APC: variants seen among roughly 807,000 people sequenced by gnomAD.
APC encodes the protein adenomatous polyposis coli protein.
Under a neutral mutation model 247.0 loss-of-function variants are expected in APC, and 72 were observed. That is an observed-to-expected ratio of 0.29 (90% CI 0.24 to 0.35). APC has a LOEUF of 0.35. APC is among the 10% of genes least tolerant of loss of function. APC has a pLI of 1.00. For synonymous variants in APC, 1,254 were observed against 1,162.5 expected (o/e 1.08, Z -1.60); for missense variants, 3,400 against 3,360.7 (o/e 1.01, Z -0.29).
intron 2 of APC, among the ~76,000 whole-genome samples, chr5:112,761,497 A>T (rs957912678): frequency 6.6e-6 from 1 of 152,232 alleles, no homozygotes; most frequent in Non-Finnish European, 1.5e-5. Context: ...TTAACATTGG[A>T]TGGGCTTAAC....
chr5:112,717,439 C>T (rs1006203156), intron 1 of APC, among the ~76,000 whole-genome samples: 1 of 152,050 alleles, frequency 6.6e-6, no homozygotes, highest in Non-Finnish European at 1.5e-5. Context: ...TATGATCTTG[C>T]ACTTAAGATT....
At chr5:112,748,077 C>G (rs1753885179) in intron 1 of APC, among the ~76,000 whole-genome samples, 1 of 152,196 alleles carries the variant, frequency 6.6e-6, no homozygotes, top group African/African-American at 2.4e-5. Context: ...TATTTATTAT[C>G]TGGCCCTTAC....
At chr5:112,833,862 G>C (rs904376481) in intron 14 of APC, among the ~76,000 whole-genome samples, 2 of 152,024 alleles carry the variant, frequency 1.3e-5, no homozygotes, top group Non-Finnish European at 2.9e-5. Flanking sequence ...ACAGAATATT[G>C]TATATACTAC....
At chr5:112,754,401 A>G (rs934625495) in intron 1 of APC, among the ~76,000 whole-genome samples, 2 of 152,198 alleles carry the variant, frequency 1.3e-5, no homozygotes, top group Non-Finnish European at 2.9e-5. Context: ...CCTTTTATCA[A>G]ATAAAAAGTG....
intron 14 of APC, 73 bp from the exon 15 acceptor site, chr5:112,834,878 A>G: frequency 7.7e-7 from 1 of 1,295,772 alleles, no homozygotes; most frequent in Non-Finnish European, 1.1e-6. Flanking sequence ...TTTATTCAAT[A>G]TCAGTAACAT....
In APC at chr5:112,838,578, G is replaced by T. The variant is rs1298840660; in HGVS notation, c.2984G>T (p.Cys995Phe). 1 of 1,614,132 alleles carries T rather than the reference G, an allele frequency of 6.2e-7. No homozygotes were observed. Among genetic ancestry groups the T allele is most frequent in the South Asian group, 1.1e-5 (1 of 91,088 alleles). The change falls in exon 16 of 16, where the codon TGC becomes TTC. Residue 995 changes from cysteine to phenylalanine, a missense_variant. Around this residue, in one of 9 missense-constraint regions of APC, gnomAD observed 715 missense variants for 656.6 expected, o/e 1.09. Transcript: ENST00000257430. The stretch of plus-strand genomic sequence containing the variant: ...TCTGAAGATGATGAAAGTAAGTTTT[G>T]CAGTTATGGTCAATACCCAGCCGAC... ...SYSEDDESKF[C>F]SYGQYPADLA... is the part of the protein sequence containing the mutation.
At chr5:112,786,219 A>C (rs1052534260) in intron 6 of APC, among the ~76,000 whole-genome samples, 1 of 152,096 alleles carries the variant, frequency 6.6e-6, no homozygotes, top group Non-Finnish European at 1.5e-5. Flanking sequence ...CCTCCCACAT[A>C]GTTGGGACTT....
intron 4 of APC, among the ~76,000 whole-genome samples, chr5:112,769,440 A>G (rs1426211024): frequency 6.6e-6 from 1 of 152,204 alleles, no homozygotes; most frequent in Non-Finnish European, 1.5e-5. Flanking sequence ...CAGCTAGTGT[A>G]TTAATTCTTC....
intron 13 of APC, 27 bp downstream of exon 13, chr5:112,828,033 T>A (rs762648424): frequency 1.3e-6 from 2 of 1,585,332 alleles, no homozygotes; most frequent in Non-Finnish European, 1.7e-6. Context: ...CACCTGTTTT[T>A]CTTTTTTCTC....
rs376526724 is a variant in APC at position 112,837,844 on chromosome 5, A to G, written c.2250A>G (p.Pro750=). 1 of 1,614,076 alleles carries G rather than the reference A, an allele frequency of 6.2e-7. No homozygotes were observed. The highest frequency in any genetic ancestry group is 8.5e-7 in the Non-Finnish European group (1 of 1,180,026). The stretch of plus-strand genomic sequence containing the variant: ...TTATGTCTCCTGGCTCAAGCTTGCC[A>G]TCTCTTCATGTTAGGAAACAAAAAG... The part of the protein sequence containing the change: ...ANIMSPGSSL[P]SLHVRKQKAL... The change falls in exon 16 of 16, where the codon CCA becomes CCG. Residue 750 remains proline (P), a synonymous_variant. Coordinates refer to ENST00000257430, the MANE Select transcript of APC (RefSeq NM_000038.6).
chr5:112,809,254 A>T (rs1239276362), intron 8 of APC, among the ~76,000 whole-genome samples: 1 of 151,774 alleles, frequency 6.6e-6, no homozygotes, highest in Non-Finnish European at 1.5e-5. Context: ...GCTACTTGGG[A>T]GGTTGAGGTG....
rs1766926555 is a variant in APC at position 112,845,708 on chromosome 5, T to TC, written c.*1584dup. The TC allele has an allele frequency of 8.6e-6, 2 of 232,152 alleles. No homozygotes were observed. The highest frequency in any genetic ancestry group is 3.6e-4 in the South Asian group (2 of 5,512). The allele number at this position is 232,152 out of a possible 1,614,324, so 14.4% of individuals were successfully genotyped here. A position where few individuals can be genotyped will look rare whatever the true frequency, so the allele number is the denominator to read the frequency against. Reference sequence around the variant, plus strand: ...TTATACAGTGGAGGGAAGTCTTCCTTCCTGAAGGAAAATAAACTGACACTT... The same window carrying TC: ...TTATACAGTGGAGGGAAGTCTTCCTTCCCTGAAGGAAAATAAACTGACACTT... On this transcript the variant is annotated 3_prime_UTR_variant, in exon 16 of 16. Transcript: ENST00000257430.
chr5:112,738,251 T>A (rs1752558643), intron 1 of APC: 1 of 981,680 alleles, frequency 1.0e-6, no homozygotes, highest in Non-Finnish European at 1.2e-6. Flanking sequence ...AATAACAGTA[T>A]CTAAGGAAAC....
rs774747249 is a variant in APC, at chr5:112,843,834, C to T, written c.8240C>T (p.Pro2747Leu). ...AAACCAGGACAAAATAATCCTGTCC[C>T]TGTATCAGAGACTAATGAAAGTTCT... The part of the protein sequence containing the change: ...EIKPGQNNPV[P>L]VSETNESSIV... The change falls in exon 16 of 16, where the codon CCT becomes CTT. Residue 2747 changes from proline to leucine, a missense_variant. Coordinates refer to ENST00000257430, the MANE Select transcript of APC (RefSeq NM_000038.6). The surrounding 1 kb of genome is among the most constrained non-coding windows in gnomAD (Gnocchi z 4.8). The T allele has an allele frequency of 6.2e-7, 1 of 1,613,904 alleles. No individual in the cohort carries two copies. The highest frequency in any genetic ancestry group is 8.5e-7 in the Non-Finnish European group (1 of 1,179,956).
chr5:112,787,184 G>A (rs185644458), intron 6 of APC, among the ~76,000 whole-genome samples: 64 of 152,156 alleles, frequency 4.2e-4, no homozygotes, highest in Middle Eastern at 3.4e-3. Flanking sequence ...CACCACTCTC[G>A]GCCTCAACCG....
At position 112,839,073 on chromosome 5, in the gene APC, C is replaced by T. The variant is rs201004111; in HGVS notation, c.3479C>T (p.Thr1160Ile). 6.2e-7 allele frequency: 1 copy of T among 1,614,068 alleles called. No individual in the cohort carries two copies. The highest frequency in any genetic ancestry group is 1.1e-5 in the South Asian group (1 of 91,082). Residue 1160 changes from threonine to isoleucine, a missense_variant, in exon 16 of 16, where the codon ACA (threonine) becomes ATA (isoleucine). This residue lies in a region of APC where 715 missense variants were observed against 656.6 expected (regional missense o/e 1.09). Coordinates refer to ENST00000257430, the MANE Select transcript of APC (RefSeq NM_000038.6). This position sits in a 1 kb window ranked among gnomAD's most constrained non-coding sequence, Gnocchi z 5.0. ...EEQHEEEERPTNYSIKYNEEK... is the reference protein window; with the variant it reads ...EEQHEEEERPINYSIKYNEEK... The stretch of plus-strand genomic sequence containing the variant: ...CAGCATGAAGAAGAAGAGAGACCAA[C>T]AAATTATAGCATAAAATATAATGAA...
chr5:112,818,754 C>T lies in APC; in HGVS notation c.934-212C>T, dbSNP rs372075842. 2.1e-4 allele frequency among the ~76,000 whole-genome samples: 31 copies of T among 150,758 alleles called. 1 individual carries two copies. Among genetic ancestry groups the T allele is most frequent in the African/African-American group, 7.3e-4 (30 of 41,178 alleles). On this transcript the variant is annotated intron_variant, in intron 9 of 15. Coordinates refer to ENST00000257430, the MANE Select transcript of APC (RefSeq NM_000038.6). ...TATATTACCACTCATACTATTTACT[C>T]ACATAAACAAATTGGTGATGATACA...
At chr5:112,716,651 C>G (rs187954383) in intron 1 of APC, among the ~76,000 whole-genome samples, 2 of 152,168 alleles carry the variant, frequency 1.3e-5, no homozygotes, top group East Asian at 3.9e-4. Flanking sequence ...TTAAGATGCT[C>G]CATTATGATT....
chr5:112,829,042 G>A (rs1419338686), intron 14 of APC, 70 bp downstream of exon 14: 2 of 1,051,648 alleles, frequency 1.9e-6, no homozygotes, highest in Admixed American at 3.4e-5. Context: ...CCTTCTTTTA[G>A]CCATGAGATT....
Sources: gnomAD v4.1 joint callset for allele counts (sites outside exome capture counted in the v4.1 genomes callset) on GRCh38, gnomAD v4.1.1 for gene constraint, gnomAD v4.1.1 regional missense constraint, Gnocchi (gnomAD v3.1) non-coding constraint, MANE v1.5 for transcripts, NCBI Gene and HGNC (gene_info 2026-07-23, HGNC 2026-07-21) for gene names.